SH3GL3: variants seen among roughly 807,000 people sequenced by gnomAD.
The protein encoded by SH3GL3 is endophilin-A3.
SH3GL3 carries 33 observed loss-of-function variants against 47.7 expected under a neutral mutation model. That is an observed-to-expected ratio of 0.69 (90% CI 0.52 to 0.92). SH3GL3 has a LOEUF of 0.92. Ranked by LOEUF, SH3GL3 falls within the 40% of genes least tolerant of loss-of-function variation. The pLI is 0.00. For missense variants in SH3GL3, 363 were observed against 417.8 expected, an observed-to-expected ratio of 0.87 and a Z score of 1.14; for synonymous variants, 155 against 148.8, an observed-to-expected ratio of 1.04 and a Z score of -0.30.
intron 1 of SH3GL3, among the ~76,000 whole-genome samples, chr15:83,534,477 T>C (rs867537519): frequency 1.4e-4 from 21 of 152,166 alleles, no homozygotes; most frequent in South Asian, 6.2e-4. Flanking sequence ...TATGTATTTT[T>C]AAAAGTTCAC....
intron 1 of SH3GL3, among the ~76,000 whole-genome samples, chr15:83,473,172 T>C (rs576624287): frequency 7.2e-6 from 1 of 139,600 alleles, no homozygotes; most frequent in Non-Finnish European, 1.5e-5. Context: ...TCATTTCTGC[T>C]GATGGAGGCG....
At chr15:83,547,747 A>C (rs965540345) in intron 1 of SH3GL3, among the ~76,000 whole-genome samples, 5 of 144,860 alleles carry the variant, frequency 3.5e-5, no homozygotes, top group African/African-American at 7.6e-5. Context: ...TTTAGTGTGC[A>C]TCTCTTATTA....
intron 1 of SH3GL3, among the ~76,000 whole-genome samples, chr15:83,483,301 C>T (rs1163885990): frequency 1.3e-5 from 2 of 152,198 alleles, no homozygotes; most frequent in Non-Finnish European, 2.9e-5. Context: ...CCAGTGCAAA[C>T]TTTCTGTGCT....
intron 1 of SH3GL3, among the ~76,000 whole-genome samples, chr15:83,459,624 C>G (rs960840057): frequency 6.6e-6 from 1 of 152,146 alleles, no homozygotes; most frequent in South Asian, 2.1e-4. Context: ...AAATCGATTT[C>G]TTTATACTTT....
intron 1 of SH3GL3, among the ~76,000 whole-genome samples, chr15:83,503,160 C>T (rs371310949): frequency 1.9e-4 from 29 of 151,274 alleles, no homozygotes; most frequent in African/African-American, 6.8e-4. Context: ...TTATAAAATA[C>T]AAAAAAAGAA....
chr15:83,460,068 C>CCCTTCCTT (rs1167747866), intron 1 of SH3GL3, among the ~76,000 whole-genome samples: 8 of 46,652 alleles, frequency 1.7e-4, no homozygotes, highest in South Asian at 1.3e-3. Flanking sequence ...CTCCCTCCCT[C>CCCTTCCTT]CCTTCCTTCC....
chr15:83,576,657 C>G lies in SH3GL3; in HGVS notation c.540C>G (p.Asp180Glu). 6.2e-7 allele frequency: 1 copy of G among 1,613,292 alleles called. No homozygotes were observed. Among genetic ancestry groups the G allele is most frequent in the South Asian group, 1.1e-5 (1 of 91,018 alleles). Residue 180 changes from aspartate to glutamate, a missense_variant, in exon 6 of 9, where the codon GAC (aspartate) becomes GAG (glutamate). By Grantham distance (45) the Asp-to-Glu change is conservative (BLOSUM62 2). Coordinates refer to ENST00000427482, the MANE Select transcript of SH3GL3 (RefSeq NM_003027.5). ...AGAAACGAGTAGGTAAGATACCAGA[C>G]GAAGAAGTCAGACAAGCGGTAGAAA... Reference protein sequence around the residue: ...YKKKRVGKIPDEEVRQAVEKF... With the variant: ...YKKKRVGKIPEEEVRQAVEKF...
At chr15:83,472,133 C>G (rs1427340688) in intron 1 of SH3GL3, among the ~76,000 whole-genome samples, 1 of 152,266 alleles carries the variant, frequency 6.6e-6, no homozygotes, top group African/African-American at 2.4e-5. Context: ...ATCCGCCTGC[C>G]TCAGCCTCCC....
intron 8 of SH3GL3, among the ~76,000 whole-genome samples, chr15:83,601,095 C>T (rs2060366865): frequency 6.6e-6 from 1 of 152,054 alleles, no homozygotes; most frequent in African/African-American, 2.4e-5. Flanking sequence ...TTGGAGGAGT[C>T]TTTAGGGTTC....
rs182063226 is a variant in SH3GL3 at position 83,605,158 on chromosome 15, A to T, written c.839-12924A>T. Among the ~76,000 whole-genome samples, 5 of 152,312 alleles carry T rather than the reference A, an allele frequency of 3.3e-5. No homozygotes were observed. In the East Asian group the frequency reaches 9.6e-4, roughly 29 times the overall value. ...GGCTTTTAAGAAGGCTCAGTGTCCC[A>T]TATTCTCCACTGCAGCAAACTCTAC... On this transcript the variant is annotated intron_variant, in intron 8 of 8. Coordinates refer to ENST00000427482, the MANE Select transcript of SH3GL3 (RefSeq NM_003027.5).
chr15:83,453,692 C>T, intron 1 of SH3GL3, among the ~76,000 whole-genome samples: 1 of 97,160 alleles, frequency 1.0e-5, no homozygotes, highest in African/African-American at 3.8e-5. Context: ...TTTGATTCTT[C>T]TCTCTTTTTT....
chr15:83,544,472 G>A (rs183562548), intron 1 of SH3GL3, among the ~76,000 whole-genome samples: 1 of 152,214 alleles, frequency 6.6e-6, no homozygotes, highest in East Asian at 1.9e-4. Flanking sequence ...GGTCCATTTG[G>A]TCTATAGTGC....
At chr15:83,521,336 A>C (rs1486314845) in intron 1 of SH3GL3, among the ~76,000 whole-genome samples, 1 of 152,202 alleles carries the variant, frequency 6.6e-6, no homozygotes, top group African/African-American at 2.4e-5. Flanking sequence ...CAGGGTCTGA[A>C]AGTTTGAAAA....
At chr15:83,502,841 C>T (rs1459501251) in intron 1 of SH3GL3, among the ~76,000 whole-genome samples, 12 of 152,220 alleles carry the variant, frequency 7.9e-5, no homozygotes, top group Admixed American at 7.9e-4. Context: ...GACTTGTTCA[C>T]ACCCTTGGCC....
chr15:83,616,367 C>T (rs1025143099), intron 8 of SH3GL3, among the ~76,000 whole-genome samples: 71 of 151,176 alleles, frequency 4.7e-4, no homozygotes, highest in Non-Finnish European at 1.3e-4. Context: ...ATTCTCCTGC[C>T]TCAGCCTCTC....
At chr15:83,529,954 C>T (rs2043595686) in intron 1 of SH3GL3, among the ~76,000 whole-genome samples, 2 of 152,242 alleles carry the variant, frequency 1.3e-5, no homozygotes, top group South Asian at 4.2e-4. Flanking sequence ...GCAGCAGCTT[C>T]CCTGGTGTGC....
chr15:83,526,225 A>T (rs2043414588), intron 1 of SH3GL3, among the ~76,000 whole-genome samples: 1 of 152,176 alleles, frequency 6.6e-6, no homozygotes, highest in East Asian at 1.9e-4. Flanking sequence ...CTGTTGGTGG[A>T]ATTAGTTCAA....
chr15:83,476,240 C>T (rs916487349), intron 1 of SH3GL3, among the ~76,000 whole-genome samples: 2 of 152,166 alleles, frequency 1.3e-5, no homozygotes, highest in Non-Finnish European at 2.9e-5. Flanking sequence ...GGAAAGTGAT[C>T]TTCCCAGGAC....
At position 83,523,947 on chromosome 15, in the gene SH3GL3, T is replaced by TA. The variant is rs3078535; in HGVS notation, c.46-35286dup. On this transcript the variant is annotated intron_variant, in intron 1 of 8. Transcript: ENST00000427482. ...AGATCATATTTGGTGTTCAGCAATCTAAAAAAAAAAAAAAAAAAAACAGAC... is the reference window on the plus strand; with the variant it reads ...AGATCATATTTGGTGTTCAGCAATCTAAAAAAAAAAAAAAAAAAAAACAGAC... Among the ~76,000 whole-genome samples the TA allele has an allele frequency of 1.4e-3, 185 of 131,894 alleles. 2 individuals carry two copies. The highest frequency in any genetic ancestry group is 1.8e-3 in the Non-Finnish European group (109 of 61,808). 86.5% of individuals were successfully genotyped at this position (131,894 alleles called of 152,430 possible).
Sources: allele counts gnomAD v4.1 joint callset (sites outside exome capture counted in the v4.1 genomes callset), GRCh38; gene constraint gnomAD v4.1.1; transcripts MANE v1.5; gene names NCBI Gene and HGNC (gene_info 2026-07-23, HGNC 2026-07-21).